Variants in PCDHA11 observed in about 807,000 individuals in gnomAD.
PCDHA11 encodes the protein protocadherin alpha 11.
In PCDHA11, 61 loss-of-function variants were observed where a neutral mutation model predicts 70.3. The observed-to-expected ratio is 0.87, with a 90% confidence interval of 0.71 to 1.07. The LOEUF (loss-of-function observed/expected upper bound fraction) is 1.07, where lower values mean the gene tolerates loss of function less well. Ranked by LOEUF, PCDHA11 falls within the 50% of genes least tolerant of loss-of-function variation. The pLI, the probability that PCDHA11 is intolerant of heterozygous loss-of-function variation, is 0.00. For missense variants in PCDHA11, 1,324 were observed against 1,237.5 expected, an observed-to-expected ratio of 1.07 and a Z score of -1.05; for synonymous variants, 633 against 555.1, an observed-to-expected ratio of 1.14 and a Z score of -1.97.
At chr5:140,969,244 G>A (rs1345944804) in intron 1 of PCDHA11, 2 of 1,614,088 alleles carry the variant, frequency 1.2e-6, no homozygotes, top group Non-Finnish European at 1.7e-6. Flanking sequence ...AAGCAGCAGT[G>A]ACTGACAGCA....
At chr5:140,895,671 T>C (rs1014778982) in intron 1 of PCDHA11, among the ~76,000 whole-genome samples, 5 of 152,184 alleles carry the variant, frequency 3.3e-5, no homozygotes, top group African/African-American at 4.8e-5. Context: ...GAACATGTAG[T>C]ATTTGGTTTT....
chr5:140,953,295 C>T (rs74485628), intron 1 of PCDHA11, among the ~76,000 whole-genome samples: 3,568 of 152,144 alleles, frequency 0.023, 49 homozygotes, highest in Middle Eastern at 0.034. Flanking sequence ...GATTCAGGGA[C>T]GGCAGAGATG....
intron 1 of PCDHA11, among the ~76,000 whole-genome samples, chr5:140,894,571 T>C (rs782019282): frequency 2.0e-5 from 3 of 151,906 alleles, no homozygotes; most frequent in Non-Finnish European, 4.4e-5. Flanking sequence ...TTATTTTCCT[T>C]TTTTTTAATA....
At chr5:140,920,294 A>T (rs1554199563) in intron 1 of PCDHA11, among the ~76,000 whole-genome samples, 9 of 152,206 alleles carry the variant, frequency 5.9e-5, no homozygotes. Context: ...TTTTAGAGGC[A>T]CTAAGAGAAA....
At chr5:140,976,637 A>G (rs781951504) in intron 1 of PCDHA11, among the ~76,000 whole-genome samples, 16 of 152,226 alleles carry the variant, frequency 1.1e-4, no homozygotes, top group Non-Finnish European at 1.5e-4. Flanking sequence ...CAGCAATCAG[A>G]CAAGTAATTT....
At chr5:140,987,395 G>A (rs1438598842) in intron 3 of PCDHA11, among the ~76,000 whole-genome samples, 1 of 152,166 alleles carries the variant, frequency 6.6e-6, no homozygotes, top group East Asian at 1.9e-4. Flanking sequence ...ATGCAAGGAA[G>A]CCATCTGTTT....
intron 3 of PCDHA11, among the ~76,000 whole-genome samples, chr5:141,002,340 TTC>T (rs1554258614): frequency 5.3e-4 from 81 of 152,342 alleles, no homozygotes; most frequent in African/African-American, 1.9e-3. Flanking sequence ...TCCGCACCCC[TTC>T]CCCCACCTCC....
intron 1 of PCDHA11, among the ~76,000 whole-genome samples, chr5:140,906,171 C>T (rs2072420841): frequency 6.6e-6 from 1 of 152,178 alleles, no homozygotes; most frequent in Non-Finnish European, 1.5e-5. Flanking sequence ...AGGAACAATA[C>T]TTTGCATCCT....
chr5:140,926,505 TC>T, intron 1 of PCDHA11: 1 of 190,688 alleles, frequency 5.2e-6, no homozygotes. Flanking sequence ...TCGGGGCGTC[TC>T]CCAGGCTCCG....
chr5:140,960,293 T>C (rs990761387), intron 1 of PCDHA11, among the ~76,000 whole-genome samples: 5 of 152,174 alleles, frequency 3.3e-5, no homozygotes, highest in Non-Finnish European at 7.3e-5. Flanking sequence ...ACCCAGTTTC[T>C]TCATCAATAC....
intron 1 of PCDHA11, chr5:140,875,414 C>A: frequency 3.3e-6 from 5 of 1,508,510 alleles, no homozygotes; most frequent in Non-Finnish European, 4.4e-6. Flanking sequence ...CATAAAATAC[C>A]TCAGGCAAGC....
Position 140,871,263 on chromosome 5 carries a change from G to C in PCDHA11, c.2160G>C (p.Leu720=). 1 of 1,614,010 alleles carries C rather than the reference G, an allele frequency of 6.2e-7. No individual in the cohort carries two copies. The highest frequency in any genetic ancestry group is 8.5e-7 in the Non-Finnish European group (1 of 1,179,958). ...LVLTLLLYTA[L]WWSATPTEGA... is the part of the protein sequence containing the mutation. ...TCACGCTGCTGCTGTATACGGCGCTGTGGTGGTCGGCAACGCCCACTGAGG... is the reference window on the plus strand; with the variant it reads ...TCACGCTGCTGCTGTATACGGCGCTCTGGTGGTCGGCAACGCCCACTGAGG... Residue 720 remains leucine (L), a synonymous_variant, in exon 1 of 4, where the codon CTG becomes CTC. Coordinates refer to ENST00000398640, the MANE Select transcript of PCDHA11 (RefSeq NM_018902.5).
chr5:140,874,487 G>T (rs1194886650), intron 1 of PCDHA11, among the ~76,000 whole-genome samples: 11 of 152,214 alleles, frequency 7.2e-5, no homozygotes, highest in African/African-American at 2.2e-4. Flanking sequence ...GCAAAAGGTT[G>T]ATATCAAGTT....
chr5:140,983,228 A>G (rs1012242202), intron 3 of PCDHA11, among the ~76,000 whole-genome samples: 1 of 152,240 alleles, frequency 6.6e-6, no homozygotes, highest in South Asian at 2.1e-4. Flanking sequence ...CCAAACTTTC[A>G]GGAAAGAGAA....
At chr5:140,970,243 T>C (rs1554232347) in intron 1 of PCDHA11, among the ~76,000 whole-genome samples, 1 of 152,252 alleles carries the variant, frequency 6.6e-6, no homozygotes, top group Non-Finnish European at 1.5e-5. Flanking sequence ...TGATTTTCTG[T>C]TGACAGTTTC....
intron 1 of PCDHA11, among the ~76,000 whole-genome samples, chr5:140,884,922 T>C (rs1253595342): frequency 6.6e-6 from 1 of 152,246 alleles, no homozygotes; most frequent in African/African-American, 2.4e-5. Context: ...TAGTTCTAAG[T>C]ATTTATCTTG....
At chr5:140,941,202 C>CTTTCTTT (rs1554213921) in intron 1 of PCDHA11, among the ~76,000 whole-genome samples, 7,232 of 122,704 alleles carry the variant, frequency 0.059, 419 homozygotes, top group East Asian at 0.13. Flanking sequence ...TTTCTTTCTT[C>CTTTCTTT]CTTTCTTTCT....
intron 3 of PCDHA11, among the ~76,000 whole-genome samples, chr5:141,007,315 C>A (rs1207897662): frequency 1.3e-5 from 2 of 148,308 alleles, no homozygotes; most frequent in Admixed American, 1.4e-4. Flanking sequence ...TTTTGGGAGG[C>A]TAAAGTGGAC....
At chr5:141,005,371 T>G (rs35698397) in intron 3 of PCDHA11, among the ~76,000 whole-genome samples, 7,868 of 152,226 alleles carry the variant, frequency 0.052, 247 homozygotes, top group South Asian at 0.11. Flanking sequence ...TAGAATGCCT[T>G]TCCAAGGAGG....
Sources: gnomAD v4.1 joint callset for allele counts (sites outside exome capture counted in the v4.1 genomes callset) on GRCh38, gnomAD v4.1.1 for gene constraint, MANE v1.5 for transcripts, NCBI Gene and HGNC (gene_info 2026-07-23, HGNC 2026-07-21) for gene names.